HDAC9: variants seen among roughly 807,000 people sequenced by gnomAD.
HDAC9 encodes the protein histone deacetylase 9, also known as MEF-2 interacting transcription repressor (MITR) protein.
A neutral mutation model predicts 139.4 loss-of-function variants in HDAC9; 41 were observed. That is an observed-to-expected ratio of 0.29 (90% CI 0.23 to 0.38). The LOEUF (loss-of-function observed/expected upper bound fraction) is 0.38. Among genes scored for constraint, HDAC9 ranks in the 10% least tolerant of loss-of-function variants. The pLI is 1.00. For synonymous variants in HDAC9, 517 were observed against 476.2 expected, an observed-to-expected ratio of 1.09 and a Z score of -1.12; for missense variants, 1,147 against 1,297.0, an observed-to-expected ratio of 0.88 and a Z score of 1.78.
In HDAC9 at chr7:18,857,180, C is replaced by T. The variant is rs186687089; in HGVS notation, c.2685-17298C>T. ...GTCTGGAAGTATTTATTTTCTTTCA[C>T]TGAATAATTGCTTCTCTTTTTTTAT... is the stretch of plus-strand genomic sequence containing the variant. On this transcript the variant is annotated intron_variant, in intron 21 of 25. Transcript: ENST00000686413. Among the ~76,000 whole-genome samples the T allele has an allele frequency of 2.1e-3, 316 of 152,058 alleles. 2 individuals are homozygous for T. Among genetic ancestry groups the T allele is most frequent in the African/African-American group, 7.4e-3 (306 of 41,488 alleles).
At chr7:18,550,467 C>T (rs763628184) in intron 2 of HDAC9, among the ~76,000 whole-genome samples, 3 of 152,144 alleles carry the variant, frequency 2.0e-5, no homozygotes, top group Admixed American at 6.6e-5. Context: ...AAAATTGCTG[C>T]TCTTCTAAAG....
chr7:18,752,411 A>G (rs765467945), intron 14 of HDAC9, among the ~76,000 whole-genome samples: 1 of 152,102 alleles, frequency 6.6e-6, no homozygotes, highest in South Asian at 2.1e-4. Context: ...AGGTGTGAGT[A>G]ACTTATTTAC....
intron 1 of HDAC9, among the ~76,000 whole-genome samples, chr7:18,416,020 T>C (rs1789023279): frequency 6.6e-6 from 1 of 152,108 alleles, no homozygotes; most frequent in African/African-American, 2.4e-5. Flanking sequence ...GCAGCCAGGC[T>C]CAGTGACTCA....
chr7:18,951,611 TTA>T (rs150470443), intron 23 of HDAC9, among the ~76,000 whole-genome samples: 6,040 of 151,960 alleles, frequency 0.04, 158 homozygotes, highest in Middle Eastern at 0.088. Flanking sequence ...TACTCCTTAT[TTA>T]TCTTTTAATA....
chr7:18,989,656 C>G (rs1489952016), intron 25 of HDAC9, among the ~76,000 whole-genome samples: 1 of 150,860 alleles, frequency 6.6e-6, no homozygotes, highest in East Asian at 1.9e-4. Context: ...TGTTTTCCAA[C>G]TTGATTCCAT....
intron 12 of HDAC9, among the ~76,000 whole-genome samples, chr7:18,722,489 T>C (rs2129125394): frequency 6.6e-6 from 1 of 152,276 alleles, no homozygotes; most frequent in African/African-American, 2.4e-5. Flanking sequence ...CTTAGATGTA[T>C]AAACATGAAT....
chr7:18,548,964 G>A (rs1438876804), intron 2 of HDAC9, among the ~76,000 whole-genome samples: 2 of 152,250 alleles, frequency 1.3e-5, no homozygotes, highest in Admixed American at 1.3e-4. Context: ...AATAGGCCAG[G>A]TGTGGTGGCT....
At chr7:18,980,092 C>A (rs1462186770) in intron 25 of HDAC9, among the ~76,000 whole-genome samples, 1 of 151,878 alleles carries the variant, frequency 6.6e-6, no homozygotes, top group African/African-American at 2.4e-5. Context: ...AAAATCTGCC[C>A]CCTCTTCATT....
chr7:18,329,833 A>G (rs1800773333), intron 1 of HDAC9, among the ~76,000 whole-genome samples: 1 of 151,768 alleles, frequency 6.6e-6, no homozygotes, highest in African/African-American at 2.4e-5. Context: ...TCTCTAGCTT[A>G]GTGCCTGGCC....
At chr7:18,902,279 A>C (rs1056891372) in intron 22 of HDAC9, among the ~76,000 whole-genome samples, 11 of 151,984 alleles carry the variant, frequency 7.2e-5, no homozygotes, top group African/African-American at 2.7e-4. Flanking sequence ...GGTTCTTCTC[A>C]CTCCTGGGGC....
At chr7:18,277,538 G>A (rs568107794) in intron 2 of HDAC9, among the ~76,000 whole-genome samples, 1 of 152,260 alleles carries the variant, frequency 6.6e-6, no homozygotes, top group East Asian at 1.9e-4. Flanking sequence ...TTTATACGTA[G>A]AACTTATAGT....
intron 1 of HDAC9, among the ~76,000 whole-genome samples, chr7:18,448,163 C>A (rs533257267): frequency 1.3e-5 from 2 of 152,102 alleles, no homozygotes; most frequent in Non-Finnish European, 2.9e-5. Flanking sequence ...CCATGCCTGG[C>A]GATCTGGAGG....
At chr7:18,348,225 T>G in intron 1 of HDAC9, among the ~76,000 whole-genome samples, 1 of 152,150 alleles carries the variant, frequency 6.6e-6, no homozygotes, top group East Asian at 1.9e-4. Flanking sequence ...CTGATTTAAT[T>G]AATTATAGAG....
chr7:18,346,574 G>T (rs1364714183), intron 1 of HDAC9, among the ~76,000 whole-genome samples: 1 of 151,914 alleles, frequency 6.6e-6, no homozygotes, highest in East Asian at 1.9e-4. Flanking sequence ...TTTTTACATT[G>T]TTCTTTTGCT....
intron 22 of HDAC9, among the ~76,000 whole-genome samples, chr7:18,882,104 A>G (rs1206062951): frequency 6.6e-6 from 1 of 152,120 alleles, no homozygotes; most frequent in Non-Finnish European, 1.5e-5. Context: ...TTTAAAAACG[A>G]GTAAGGCTAA....
At chr7:18,262,095 C>A (rs1795719098) in intron 2 of HDAC9, among the ~76,000 whole-genome samples, 1 of 152,200 alleles carries the variant, frequency 6.6e-6, no homozygotes, top group Non-Finnish European at 1.5e-5. Context: ...ACTGTCGGTT[C>A]CCTTATTGTT....
chr7:18,219,666 TG>T (rs759192441), intron 2 of HDAC9, among the ~76,000 whole-genome samples: 16 of 152,206 alleles, frequency 1.1e-4, no homozygotes, highest in Admixed American at 2.0e-4. Context: ...GAAAGTTTCC[TG>T]CCCAGGACTT....
At chr7:18,821,031 G>A (rs1160064969) in intron 17 of HDAC9, among the ~76,000 whole-genome samples, 1 of 152,216 alleles carries the variant, frequency 6.6e-6, no homozygotes, top group African/African-American at 2.4e-5. Context: ...AGATTTGATT[G>A]TCTTGTGAGG....
intron 2 of HDAC9, among the ~76,000 whole-genome samples, chr7:18,565,490 T>C (rs1439851094): frequency 6.6e-6 from 1 of 152,172 alleles, no homozygotes; most frequent in South Asian, 2.1e-4. Context: ...GTGTTTACCA[T>C]TGTTAGTTGG....
Sources: allele counts gnomAD v4.1 joint callset (sites outside exome capture counted in the v4.1 genomes callset), GRCh38; gene constraint gnomAD v4.1.1; transcripts MANE v1.5; gene names NCBI Gene and HGNC (gene_info 2026-07-23, HGNC 2026-07-21).